Variants in MSH3 observed in about 807,000 individuals in gnomAD.
MSH3 encodes mutS homolog 3.
In MSH3, 106 loss-of-function variants were observed where a neutral mutation model predicts 123.3. That is an observed-to-expected ratio of 0.86 (90% CI 0.73 to 1.01). MSH3 has a LOEUF of 1.01. MSH3 is among the 50% of genes least tolerant of loss of function. MSH3 has a pLI of 0.00. For missense variants in MSH3, 1,459 were observed against 1,347.6 expected (o/e 1.08, Z -1.29); for synonymous variants, 515 against 481.4 (o/e 1.07, Z -0.91).
chr5:80,744,970 G>C (rs544760988), intron 12 of MSH3, among the ~76,000 whole-genome samples: 1 of 152,310 alleles, frequency 6.6e-6, no homozygotes, highest in Admixed American at 6.5e-5. Flanking sequence ...CTTGTGTGTA[G>C]GAGGGGACTA....
chr5:80,739,148 C>T (rs1177802951), intron 10 of MSH3, among the ~76,000 whole-genome samples: 1 of 152,232 alleles, frequency 6.6e-6, no homozygotes, highest in Non-Finnish European at 1.5e-5. Flanking sequence ...AACATGTTAA[C>T]TAGTCACCCC....
intron 10 of MSH3, among the ~76,000 whole-genome samples, chr5:80,735,551 G>T (rs1475203846): frequency 6.6e-6 from 1 of 151,772 alleles, no homozygotes; most frequent in Non-Finnish European, 1.5e-5. Context: ...AGCCACACTG[G>T]TGGCGGGCAC....
chr5:80,784,208 G>A (rs78804201), intron 17 of MSH3, among the ~76,000 whole-genome samples: 4,944 of 71,308 alleles, frequency 0.069, 336 homozygotes, highest in East Asian at 0.35. Context: ...AGACTACTAC[G>A]TCGCAAAAAA....
At chr5:80,744,669 T>A (rs2112869049) in intron 12 of MSH3, 54 bp downstream of exon 12, 2 of 1,330,142 alleles carry the variant, frequency 1.5e-6, no homozygotes, top group African/African-American at 1.4e-5. Flanking sequence ...ATTTTGAAAT[T>A]AAAGGCATTT....
At position 80,764,929 on chromosome 5, in the gene MSH3, G is replaced by A. The variant is rs376116237; in HGVS notation, c.1897-3004G>A. The stretch of plus-strand genomic sequence containing the variant: ...TGTTCAGTGTGGCACTTAAGCTGGG[G>A]TCCTTCCCATCCTGTGTCCAGTGAG... On this transcript the variant is annotated intron_variant, in intron 13 of 23. Coordinates refer to ENST00000265081, the MANE Select transcript of MSH3 (RefSeq NM_002439.5). 3.1e-3 allele frequency among the ~76,000 whole-genome samples: 478 copies of A among 152,238 alleles called. 5 individuals carry two copies. The highest frequency in any genetic ancestry group is 7.3e-3 in the African/African-American group (304 of 41,556).
chr5:80,685,180 A>T lies in MSH3; in HGVS notation c.1340+6087A>T, dbSNP rs550776638. Among the ~76,000 whole-genome samples the T allele has an allele frequency of 2.1e-3, 313 of 149,698 alleles. 2 individuals carry two copies. Among genetic ancestry groups the T allele is most frequent in the South Asian group, 6.2e-3 (29 of 4,704 alleles). On this transcript the variant is annotated intron_variant, in intron 8 of 23. Transcript: ENST00000265081. ...TATCAGGGTAATACTGGCCTCGTAG[A>T]ATGAGTTTGGAAGTATTCTCCTTTT...
chr5:80,808,332 T>C (rs1350912728), intron 19 of MSH3, among the ~76,000 whole-genome samples: 1 of 152,204 alleles, frequency 6.6e-6, no homozygotes, highest in Non-Finnish European at 1.5e-5. Context: ...TTTTTATTGT[T>C]ATGTTTTTCT....
intron 22 of MSH3, among the ~76,000 whole-genome samples, chr5:80,868,129 G>A (rs1193149873): frequency 6.6e-6 from 1 of 152,198 alleles, no homozygotes; most frequent in Non-Finnish European, 1.5e-5. Flanking sequence ...AACAGGTGCT[G>A]GTGAGGTTGT....
intron 21 of MSH3, among the ~76,000 whole-genome samples, chr5:80,864,359 T>TA (rs562965197): frequency 3.1e-4 from 47 of 152,296 alleles, no homozygotes; most frequent in African/African-American, 1.1e-3. Flanking sequence ...GGATACTTGA[T>TA]ACTTCAAAAA....
At chr5:80,775,855 A>G in intron 16 of MSH3, 97 bp downstream of exon 16, 1 of 735,444 alleles carries the variant, frequency 1.4e-6, no homozygotes, top group South Asian at 1.6e-5. Context: ...CTTGAAATTA[A>G]AAGCAATTCT....
intron 21 of MSH3, among the ~76,000 whole-genome samples, chr5:80,857,665 G>C (rs245352): frequency 1.3e-5 from 2 of 152,260 alleles, no homozygotes; most frequent in African/African-American, 4.8e-5. Flanking sequence ...AAGGTTACCA[G>C]ATTTGTGGAC....
chr5:80,768,977 C>T lies in MSH3; in HGVS notation c.2227C>T (p.Gln743Ter), dbSNP rs1350652736. The change falls in exon 15 of 24, where the codon CAA becomes TAA. Residue 743 changes from glutamine to a stop codon, truncating the protein, a stop_gained. Coordinates refer to ENST00000265081, the MANE Select transcript of MSH3 (RefSeq NM_002439.5). LOFTEE classifies it high-confidence loss of function. ...IRKILKNPSA[Q>*]YVTVSGQEFM... ...AAAAATACTAAAAAATCCTTCTGCACAATATGTGACAGTATCAGGACAGGA... is the reference window on the plus strand; with the variant it reads ...AAAAATACTAAAAAATCCTTCTGCATAATATGTGACAGTATCAGGACAGGA... 3 of 1,612,822 alleles carry T rather than the reference C, an allele frequency of 1.9e-6. No homozygotes were observed. The highest frequency in any genetic ancestry group is 2.5e-6 in the Non-Finnish European group (3 of 1,179,194).
chr5:80,760,506 C>G (rs1259783872), intron 12 of MSH3, among the ~76,000 whole-genome samples: 2 of 152,282 alleles, frequency 1.3e-5, no homozygotes, highest in African/African-American at 4.8e-5. Context: ...ACTCCCCAAT[C>G]TTTGGTCAGG....
intron 19 of MSH3, among the ~76,000 whole-genome samples, chr5:80,809,786 A>G (rs1293485147): frequency 6.6e-6 from 1 of 152,204 alleles, no homozygotes; most frequent in Non-Finnish European, 1.5e-5. Context: ...CTGAAGTCCA[A>G]ATAACAAAAT....
chr5:80,791,193 G>T (rs1408484179), intron 18 of MSH3, among the ~76,000 whole-genome samples: 1 of 152,122 alleles, frequency 6.6e-6, no homozygotes, highest in Non-Finnish European at 1.5e-5. Flanking sequence ...AGATTGAAAG[G>T]ATATAGATGA....
At chr5:80,695,507 G>A (rs1450293426) in intron 8 of MSH3, among the ~76,000 whole-genome samples, 1 of 151,926 alleles carries the variant, frequency 6.6e-6, no homozygotes, top group Non-Finnish European at 1.5e-5. Context: ...GCTAATTTTT[G>A]TATTTTAGTA....
At chr5:80,747,882 G>T (rs1743750595) in intron 12 of MSH3, among the ~76,000 whole-genome samples, 1 of 151,906 alleles carries the variant, frequency 6.6e-6, no homozygotes, top group South Asian at 2.1e-4. Flanking sequence ...GTAACTATAT[G>T]CTCTGTAATG....
intron 23 of MSH3, among the ~76,000 whole-genome samples, chr5:80,874,057 A>G (rs1746266988): frequency 6.6e-6 from 1 of 152,176 alleles, no homozygotes; most frequent in African/African-American, 2.4e-5. Context: ...GTTGATAATC[A>G]TATGACCATG....
intron 8 of MSH3, among the ~76,000 whole-genome samples, chr5:80,712,277 T>C (rs1750875874): frequency 6.6e-6 from 1 of 152,214 alleles, no homozygotes; most frequent in South Asian, 2.1e-4. Flanking sequence ...TTTTCTAATA[T>C]GCCATTTTAT....
Sources: allele counts gnomAD v4.1 joint callset (sites outside exome capture counted in the v4.1 genomes callset), GRCh38; gene constraint gnomAD v4.1.1; transcripts MANE v1.5; gene names NCBI Gene and HGNC (gene_info 2026-07-23, HGNC 2026-07-21).